The following NMNAT1 variants were observed in gnomAD, a reference collection of about 807,000 sequenced individuals.
NMNAT1 encodes the protein nicotinamide/nicotinic acid mononucleotide adenylyltransferase 1.
Under a neutral mutation model 16.7 loss-of-function variants are expected in NMNAT1, and 11 were observed. The observed-to-expected ratio is 0.66, with a 90% CI of 0.41 to 1.09. NMNAT1 has a LOEUF of 1.09. Among genes scored for constraint, NMNAT1 ranks in the 50% least tolerant of loss-of-function variants. The pLI is 0.00. For missense variants in NMNAT1, 280 were observed against 332.3 expected (o/e 0.84, Z 1.22); for synonymous variants, 110 against 119.8 (o/e 0.92, Z 0.53).
the NMNAT1 span, among the ~76,000 whole-genome samples, chr1:9,994,652 C>G: frequency 2.1e-5 from 3 of 143,836 alleles, no homozygotes; most frequent in Non-Finnish European, 3.0e-5. Context: ...TTGCTCTGTC[C>G]CCCAGGCTGG....
intron 1 of NMNAT1, among the ~76,000 whole-genome samples, chr1:9,957,186 T>G (rs2101656750): frequency 6.6e-6 from 1 of 152,258 alleles, no homozygotes; most frequent in South Asian, 2.1e-4. Context: ...TGTACCAGCA[T>G]GTCAGGCTAA....
chr1:9,981,114 A>G lies in NMNAT1; in HGVS notation c.383A>G (p.Lys128Arg). The G allele has an allele frequency of 1.2e-6, 2 of 1,613,922 alleles. No individual in the cohort carries two copies. Among genetic ancestry groups the G allele is most frequent in the Non-Finnish European group, 1.7e-6 (2 of 1,179,954 alleles). Reference protein sequence around the residue: ...PTLERPGRKRKWTETQDSSQK... With the variant: ...PTLERPGRKRRWTETQDSSQK... ...CTAGAAAGGCCTGGAAGGAAGAGGAAGTGGACTGAAACACAAGATTCTAGT... is the reference window on the plus strand; with the variant it reads ...CTAGAAAGGCCTGGAAGGAAGAGGAGGTGGACTGAAACACAAGATTCTAGT... The change falls in exon 4 of 5, where the codon AAG becomes AGG. Residue 128 changes from lysine (K) to arginine (R), a missense_variant. Transcript: ENST00000377205.
intron 1 of NMNAT1, among the ~76,000 whole-genome samples, chr1:9,944,236 A>G (rs977654771): frequency 6.6e-6 from 1 of 152,030 alleles, no homozygotes; most frequent in African/African-American, 2.4e-5. Flanking sequence ...CCGGGGCGAC[A>G]GTTCGAGACT....
the NMNAT1 span, among the ~76,000 whole-genome samples, chr1:9,992,398 T>A: frequency 6.6e-6 from 1 of 152,184 alleles, no homozygotes; most frequent in East Asian, 1.9e-4. Context: ...ATAATTTTTT[T>A]ATAGATTACC....
chr1:9,945,667 C>G (rs1398967261), intron 1 of NMNAT1, among the ~76,000 whole-genome samples: 1 of 152,312 alleles, frequency 6.6e-6, no homozygotes, highest in Non-Finnish European at 1.5e-5. Context: ...GCTCTTCAGC[C>G]TGGGCTACAG....
At chr1:9,964,223 T>C (rs1228504792) in intron 1 of NMNAT1, among the ~76,000 whole-genome samples, 2 of 151,314 alleles carry the variant, frequency 1.3e-5, no homozygotes, top group African/African-American at 4.8e-5. Flanking sequence ...GGTGTGGTGG[T>C]TCACACCTGT....
intron 1 of NMNAT1, chr1:9,951,099 AAAAAAGAGG>A (rs1437694906): frequency 6.6e-6 from 1 of 152,110 alleles, no homozygotes; most frequent in African/African-American, 2.4e-5. Flanking sequence ...AAAAAAAAAA[AAAAAAGAGG>A]AACTAGAGCT....
chr1:9,976,836 A>G (rs1641825970), intron 3 of NMNAT1, among the ~76,000 whole-genome samples: 1 of 151,384 alleles, frequency 6.6e-6, no homozygotes, highest in African/African-American at 2.4e-5. Context: ...CTTGTTGGCC[A>G]GGCTGGTCTT....
intron 1 of NMNAT1, among the ~76,000 whole-genome samples, chr1:9,944,841 C>T (rs1046390315): frequency 6.6e-6 from 1 of 152,126 alleles, no homozygotes; most frequent in Non-Finnish European, 1.5e-5. Flanking sequence ...AATATGAAAC[C>T]ATTTTTCTAG....
chr1:9,987,537 G>C (rs1210969915), downstream of NMNAT1, among the ~76,000 whole-genome samples: 1 of 152,038 alleles, frequency 6.6e-6, no homozygotes, highest in African/African-American at 2.4e-5. Context: ...CTACTTGGGA[G>C]GCTGAGGTAG....
chr1:9,981,232 C>G (rs772500828), intron 4 of NMNAT1, 62 bp downstream of exon 4: 32 of 1,566,420 alleles, frequency 2.0e-5, no homozygotes, highest in Non-Finnish European at 2.3e-5. Context: ...CTGAGCAAAC[C>G]CCTGTGTATT....
At chr1:9,973,777 C>T (rs537348981) in intron 2 of NMNAT1, among the ~76,000 whole-genome samples, 78 of 149,322 alleles carry the variant, frequency 5.2e-4, no homozygotes, top group African/African-American at 1.6e-3. Flanking sequence ...GTAATCCCAG[C>T]ACTTCGAGAG....
the NMNAT1 span, among the ~76,000 whole-genome samples, chr1:9,996,047 C>T: frequency 1.3e-5 from 2 of 151,244 alleles, no homozygotes; most frequent in African/African-American, 4.9e-5. Context: ...CGCAGTGGCT[C>T]AGGCCTGTAA....
At chr1:9,943,075 C>T (rs1640842810), upstream of NMNAT1, 2 of 264,486 alleles carry the variant, frequency 7.6e-6, no homozygotes, top group East Asian at 1.7e-4. Context: ...GGGTTTGGCC[C>T]AGAACCAACA....
At position 9,984,050 on chromosome 1, in the gene NMNAT1, A is replaced by T. The variant is rs897236692; in HGVS notation, c.*1349A>T. ...GCCCTGGTAAGGGTACAATGATCCT[A>T]TTGTTTTTTGTTTTTGAGATGGAGT... On this transcript the variant is annotated 3_prime_UTR_variant, in exon 5 of 5. Transcript: ENST00000377205. 2 of 151,770 alleles carry T rather than the reference A, an allele frequency of 1.3e-5. No individual in the cohort carries two copies. The highest frequency in any genetic ancestry group is 1.5e-5 in the Non-Finnish European group (1 of 68,012). The allele number at this position is 151,770 out of a possible 1,614,324, so 9.4% of individuals were successfully genotyped here. A position where few individuals can be genotyped will look rare whatever the true frequency, so the allele number is the denominator to read the frequency against.
At chr1:9,948,284 G>T (rs1170419597) in intron 1 of NMNAT1, among the ~76,000 whole-genome samples, 1 of 152,098 alleles carries the variant, frequency 6.6e-6, no homozygotes, top group Non-Finnish European at 1.5e-5. Flanking sequence ...CTCAAGAAAT[G>T]GAGTTGTCGG....
At chr1:9,985,881 T>A (rs1642039392), downstream of NMNAT1, among the ~76,000 whole-genome samples, 1 of 152,224 alleles carries the variant, frequency 6.6e-6, no homozygotes, top group African/African-American at 2.4e-5. Flanking sequence ...AAAGCTGGCC[T>A]CAAATGATCC....
At chr1:9,972,230 G>A (rs1641706194) in intron 2 of NMNAT1, 42 bp downstream of exon 2, 2 of 1,055,722 alleles carry the variant, frequency 1.9e-6, no homozygotes, top group East Asian at 4.7e-5. Context: ...TAGAGAACCA[G>A]CCGGGTGCAG....
chr1:9,968,068 G>GTTTTTTTTTTTTGT (rs1400220756), intron 1 of NMNAT1, among the ~76,000 whole-genome samples: 28 of 64,076 alleles, frequency 4.4e-4, no homozygotes, highest in Admixed American at 3.3e-3. Flanking sequence ...GCCAAATGTA[G>GTTTTTTTTTTTTGT]TTTTTTTTTT....
Sources: allele counts gnomAD v4.1 joint callset (sites outside exome capture counted in the v4.1 genomes callset), GRCh38; gene constraint gnomAD v4.1.1; transcripts MANE v1.5; gene names NCBI Gene and HGNC (gene_info 2026-07-23, HGNC 2026-07-21).